KLHDC4: variants seen among roughly 807,000 people sequenced by gnomAD.
The protein encoded by KLHDC4 is kelch domain containing 4.
A neutral mutation model predicts 62.4 loss-of-function variants in KLHDC4; 90 were observed. The observed-to-expected ratio is 1.44, with a 90% CI of 1.22 to 1.72. The LOEUF is 1.72. KLHDC4 is among the 40% of genes most tolerant of loss of function. The pLI is 0.00. For synonymous variants in KLHDC4, 386 were observed against 284.4 expected (o/e 1.36, Z -3.59); for missense variants, 1,025 against 699.7 (o/e 1.47, Z -5.25).
chr16:87,710,452 A>C (rs2035571838), intron 9 of KLHDC4: 1 of 152,212 alleles, frequency 6.6e-6, no homozygotes, highest in Non-Finnish European at 1.5e-5. Context: ...TGAGTTTCAA[A>C]AGGGAAAGCT....
chr16:87,725,417 G>A (rs776981107), intron 7 of KLHDC4, among the ~76,000 whole-genome samples: 11 of 152,068 alleles, frequency 7.2e-5, no homozygotes, highest in African/African-American at 1.4e-4. Flanking sequence ...CGCCCGCCTC[G>A]GCCTCCCAAA....
intron 6 of KLHDC4, among the ~76,000 whole-genome samples, chr16:87,728,359 G>A (rs1224011771): frequency 1.3e-5 from 2 of 152,122 alleles, no homozygotes; most frequent in Non-Finnish European, 2.9e-5. Flanking sequence ...ATTTCACGTC[G>A]CAGATTTTTA....
At chr16:87,748,419 G>A (rs1369374034) in intron 5 of KLHDC4, among the ~76,000 whole-genome samples, 1 of 152,188 alleles carries the variant, frequency 6.6e-6, no homozygotes, top group Non-Finnish European at 1.5e-5. Flanking sequence ...GGCAGCGAGA[G>A]GCTGGTGGCC....
At chr16:87,722,282 G>C (rs546381961) in intron 7 of KLHDC4, among the ~76,000 whole-genome samples, 1 of 152,208 alleles carries the variant, frequency 6.6e-6, no homozygotes, top group African/African-American at 2.4e-5. Flanking sequence ...GCAGAGCCTG[G>C]AGGGTGTTTA....
chr16:87,754,568 T>A (rs17781978), intron 4 of KLHDC4, among the ~76,000 whole-genome samples: 39,587 of 152,112 alleles, frequency 0.26, 5,513 homozygotes, highest in South Asian at 0.45. Context: ...ACCTGATGCG[T>A]TGATCTTTCT....
intron 6 of KLHDC4, among the ~76,000 whole-genome samples, chr16:87,729,130 A>T (rs1448740677): frequency 2.0e-5 from 3 of 152,270 alleles, no homozygotes; most frequent in Admixed American, 6.5e-5. Flanking sequence ...CTTGAAAAGT[A>T]TTTAAGAATT....
chr16:87,704,935 A>G (rs1201209103), downstream of KLHDC4, among the ~76,000 whole-genome samples: 2 of 152,004 alleles, frequency 1.3e-5, no homozygotes, highest in African/African-American at 4.8e-5. Context: ...CGGCAGGGGG[A>G]GCATGGAGAA....
chr16:87,707,750 G>T (rs1268702176), downstream of KLHDC4: 1 of 313,576 alleles, frequency 3.2e-6, no homozygotes. Context: ...CTGGCCCGGG[G>T]CAGAGGCCCC....
chr16:87,741,233 C>G (rs929615010), intron 5 of KLHDC4, among the ~76,000 whole-genome samples: 6 of 152,228 alleles, frequency 3.9e-5, no homozygotes, highest in African/African-American at 7.2e-5. Flanking sequence ...CACCCGCCAG[C>G]CAACCAACCA....
chr16:87,706,109 C>T (rs375346676), downstream of KLHDC4, among the ~76,000 whole-genome samples: 124 of 139,340 alleles, frequency 8.9e-4, 1 homozygote, highest in East Asian at 0.023. Context: ...GGCGGGCTGC[C>T]GGCGCAAAAG....
Position 87,730,580 on chromosome 16 carries a change from G to C in KLHDC4, c.571C>G (p.Leu191Val), listed in dbSNP as rs757906205. 11 of 1,612,892 alleles carry C rather than the reference G, an allele frequency of 6.8e-6. No individual in the cohort carries two copies. The highest frequency in any genetic ancestry group is 9.3e-6 in the Non-Finnish European group (11 of 1,179,798). The change falls in exon 6 of 12, where the codon CTG becomes GTG. Residue 191 changes from leucine to valine, a missense_variant. Transcript: ENST00000270583. ...RMVAWKRQLILFGGFHESTRD... is the reference protein window; with the variant it reads ...RMVAWKRQLIVFGGFHESTRD... Reference sequence around the variant, plus strand: ...GTACTTTCATGGAAGCCACCAAACAGGATCAATTGTCTCTTCCAGGCCACC... The same window carrying C: ...GTACTTTCATGGAAGCCACCAAACACGATCAATTGTCTCTTCCAGGCCACC...
At chr16:87,721,749 G>T (rs775763896) in intron 7 of KLHDC4, among the ~76,000 whole-genome samples, 1 of 152,220 alleles carries the variant, frequency 6.6e-6, no homozygotes, top group Admixed American at 6.5e-5. Context: ...CGGCCTCGCG[G>T]TAACAGTGGG....
At chr16:87,764,753 C>A (rs1167413435) in intron 1 of KLHDC4, among the ~76,000 whole-genome samples, 4 of 141,388 alleles carry the variant, frequency 2.8e-5, no homozygotes, top group Non-Finnish European at 4.5e-5. Context: ...CACAGATGAA[C>A]TGACTTCCTG....
intron 5 of KLHDC4, among the ~76,000 whole-genome samples, 162 bp downstream of exon 5, chr16:87,748,511 G>A (rs2143065172): frequency 6.6e-6 from 1 of 152,300 alleles, no homozygotes; most frequent in South Asian, 2.1e-4. Flanking sequence ...GAAGGGTCCA[G>A]AGAAAATGTG....
chr16:87,751,735 A>G (rs546816482), intron 4 of KLHDC4, among the ~76,000 whole-genome samples: 2 of 152,180 alleles, frequency 1.3e-5, no homozygotes, highest in Admixed American at 1.3e-4. Context: ...CCTTCACAAC[A>G]AGCAAGACCC....
exon 1 of KLHDC4, chr16:87,699,839 C>T (rs1344720584): frequency 6.6e-6 from 1 of 152,304 alleles, no homozygotes; most frequent in African/African-American, 2.4e-5. Flanking sequence ...TGCTCCTTTT[C>T]ACTTGTAGAA....
At chr16:87,760,570 G>A (rs1597413415) in intron 2 of KLHDC4, among the ~76,000 whole-genome samples, 1 of 134,356 alleles carries the variant, frequency 7.4e-6, no homozygotes, top group Non-Finnish European at 1.5e-5. Context: ...TGGCGCCACT[G>A]TACTCCAGCC....
rs756741998 is a variant in KLHDC4, at chr16:87,726,789, G to A, written c.735C>T (p.Val245=). 2.5e-6 allele frequency: 4 copies of A among 1,582,344 alleles called. No individual in the cohort carries two copies. In the South Asian group the frequency reaches 3.4e-5, roughly 13 times the overall value. ...QMSVTPQGGI[V]VYGGYSKQRV... ...CCTGTTTCGAGTAGCCCCCATAGAC[G>A]ACGATGCCGCCCTGGGGAGTGACGG... The change falls in exon 7 of 12, where the codon GTC becomes GTT. Residue 245 remains valine (V), a synonymous_variant. Coordinates refer to ENST00000270583, the MANE Select transcript of KLHDC4 (RefSeq NM_017566.4).
intron 7 of KLHDC4, among the ~76,000 whole-genome samples, chr16:87,722,266 G>C (rs1047965391): frequency 6.6e-6 from 1 of 152,216 alleles, no homozygotes; most frequent in African/African-American, 2.4e-5. Context: ...GGTTCTTCGT[G>C]GCAGCGCAGA....
Sources: gnomAD v4.1 joint callset for allele counts (sites outside exome capture counted in the v4.1 genomes callset) on GRCh38, gnomAD v4.1.1 for gene constraint, MANE v1.5 for transcripts, NCBI Gene and HGNC (gene_info 2026-07-23, HGNC 2026-07-21) for gene names.